DIP2C: variants seen among roughly 807,000 people sequenced by gnomAD.
DIP2C encodes the protein DIP2 acetate--CoA ligase C (putative), also known as disco-interacting protein 2 homolog C.
In DIP2C, 33 loss-of-function variants were observed where a neutral mutation model predicts 192.4. That is an observed-to-expected ratio of 0.17 (90% confidence interval 0.13 to 0.23). DIP2C has a LOEUF of 0.23. Among genes scored for constraint, DIP2C ranks in the 10% least tolerant of loss-of-function variants. The pLI, the probability that DIP2C is intolerant of heterozygous loss-of-function variation, is 1.00. For synonymous variants in DIP2C, 979 were observed against 864.1 expected, an observed-to-expected ratio of 1.13 and a Z score of -2.33; for missense variants, 1,537 against 2,110.1, an observed-to-expected ratio of 0.73 and a Z score of 5.32.
intron 1 of DIP2C, among the ~76,000 whole-genome samples, chr10:626,443 TC>T (rs148421712): frequency 8.7e-4 from 115 of 132,544 alleles, no homozygotes; most frequent in African/African-American, 3.8e-3. Flanking sequence ...TTACCCTCCG[TC>T]CCCCCGTCCC....
chr10:283,242 TGG>T (rs59023111), intron 35 of DIP2C, 28 bp downstream of exon 35: 13 of 1,575,764 alleles, frequency 8.2e-6, no homozygotes, highest in Middle Eastern at 1.8e-4. Context: ...GCCCATCTGT[TGG>T]GGGGGGGCCG....
intron 31 of DIP2C, among the ~76,000 whole-genome samples, chr10:311,157 G>C (rs544202182): frequency 1.3e-5 from 2 of 152,246 alleles, no homozygotes; most frequent in South Asian, 2.1e-4. Context: ...CCCAGTGACA[G>C]CTCTACCCCC....
At chr10:550,018 T>TC (rs1848505112) in intron 1 of DIP2C, among the ~76,000 whole-genome samples, 1 of 150,978 alleles carries the variant, frequency 6.6e-6, no homozygotes, top group Admixed American at 6.6e-5. Context: ...TTTTTTTTTT[T>TC]TTTTTTCTCT....
At chr10:551,538 A>G (rs1175988513) in intron 1 of DIP2C, among the ~76,000 whole-genome samples, 1 of 150,636 alleles carries the variant, frequency 6.6e-6, no homozygotes, top group Non-Finnish European at 1.5e-5. Flanking sequence ...GCCTCGGTGC[A>G]CAAACCCACA....
rs561161629 is a variant in DIP2C, at chr10:623,483, G to A, written c.85+66011C>T. On this transcript the variant is annotated intron_variant, in intron 1 of 36. Transcript: ENST00000280886. ...GAGGGGAGGAGGGGAGGGATGCAGG[G>A]CTGAGGGCTGAGGGGAGGAGGGGAG... is the stretch of plus-strand genomic sequence containing the variant. Among the ~76,000 whole-genome samples, 4 of 134,844 alleles carry A rather than the reference G, an allele frequency of 3.0e-5. No homozygotes were observed. The East Asian group carries it at 8.8e-4, about 30-fold the overall frequency. The allele number at this position is 134,844 out of a possible 152,430, so 88.5% of individuals were successfully genotyped here.
intron 1 of DIP2C, chr10:663,000 A>G (rs1462452262): frequency 1.4e-6 from 1 of 711,878 alleles, no homozygotes; most frequent in Admixed American, 2.0e-5. Flanking sequence ...ACGTCACACA[A>G]AAGGGTTTCT....
At chr10:522,600 C>T (rs1046755252) in intron 1 of DIP2C, among the ~76,000 whole-genome samples, 11 of 152,258 alleles carry the variant, frequency 7.2e-5, no homozygotes, top group Admixed American at 3.9e-4. Context: ...CTGCTGGGTG[C>T]GCAGTGGCGC....
chr10:469,561 C>T (rs1404037781), intron 3 of DIP2C, among the ~76,000 whole-genome samples: 1 of 152,096 alleles, frequency 6.6e-6, no homozygotes, highest in Non-Finnish European at 1.5e-5. Flanking sequence ...AAGTGATCTG[C>T]CCGCCTCGGC....
intron 3 of DIP2C, among the ~76,000 whole-genome samples, chr10:442,599 A>G (rs1017791492): frequency 2.6e-5 from 4 of 152,182 alleles, no homozygotes; most frequent in East Asian, 1.9e-4. Flanking sequence ...GAATTCCCAT[A>G]TAACTTTTAC....
chr10:503,101 G>A (rs993136558), intron 1 of DIP2C, among the ~76,000 whole-genome samples: 3 of 138,776 alleles, frequency 2.2e-5, no homozygotes, highest in Non-Finnish European at 3.1e-5. Context: ...GACTTACCAC[G>A]ATTCCAACAT....
At chr10:296,872 A>G (rs1244781997) in intron 32 of DIP2C, among the ~76,000 whole-genome samples, 1 of 117,730 alleles carries the variant, frequency 8.5e-6, no homozygotes, top group African/African-American at 3.4e-5. Flanking sequence ...GGAACATCAC[A>G]CACTGAGGCC....
intron 28 of DIP2C, 28 bp downstream of exon 28, chr10:344,781 G>T: frequency 6.4e-7 from 1 of 1,557,246 alleles, no homozygotes. Context: ...TTGCCTCCAT[G>T]GCCACCGCCC....
At chr10:647,988 T>C (rs201165547) in intron 1 of DIP2C, among the ~76,000 whole-genome samples, 2 of 150,202 alleles carry the variant, frequency 1.3e-5, no homozygotes, top group African/African-American at 2.5e-5. Context: ...CATTGGACGG[T>C]GGGAGAGAAC....
At chr10:370,541 G>C (rs561407201) in intron 17 of DIP2C, among the ~76,000 whole-genome samples, 1 of 152,292 alleles carries the variant, frequency 6.6e-6, no homozygotes, top group Non-Finnish European at 1.5e-5. Context: ...ACTCTCCCAA[G>C]AGCGGCCACA....
intron 4 of DIP2C, among the ~76,000 whole-genome samples, chr10:429,104 T>C (rs534357277): frequency 6.6e-6 from 1 of 152,254 alleles, no homozygotes; most frequent in East Asian, 1.9e-4. Flanking sequence ...TCGTACAATA[T>C]ATGGGTCTGG....
Position 440,893 on chromosome 10 carries a change from C to A in DIP2C, c.372G>T (p.Ser124=). The A allele has an allele frequency of 6.2e-7, 1 of 1,613,416 alleles. No homozygotes were observed. Among genetic ancestry groups the A allele is most frequent in the East Asian group, 2.2e-5 (1 of 44,876 alleles). ...TACCTGGAGGGGTGTAGGCGTCCAT[C>A]GAGGTCTGCACGACCAGGGACCTGC... ...SKRRSLVVQT[S]MDAYTPPDTS... The change falls in exon 4 of 37, where the codon TCG becomes TCT. Residue 124 remains serine (S), a synonymous_variant. Coordinates refer to ENST00000280886, the MANE Select transcript of DIP2C (RefSeq NM_014974.3).
chr10:556,073 ACAGCACCCACCCACCC>A, intron 1 of DIP2C, among the ~76,000 whole-genome samples: 1 of 145,216 alleles, frequency 6.9e-6, no homozygotes, highest in Non-Finnish European at 1.5e-5. Context: ...GGATCCCAGG[ACAGCACCCACCCACCC>A]CCCCTTCCAT....
chr10:478,962 A>ACC (rs1401987300), intron 2 of DIP2C, among the ~76,000 whole-genome samples: 3 of 152,098 alleles, frequency 2.0e-5, no homozygotes, highest in Non-Finnish European at 4.4e-5. Context: ...CTTCCCCAGC[A>ACC]CCCAGGGGCA....
At chr10:597,571 C>T (rs1851789331) in intron 1 of DIP2C, among the ~76,000 whole-genome samples, 1 of 152,196 alleles carries the variant, frequency 6.6e-6, no homozygotes. Context: ...AACGCTGTCA[C>T]TATGCAAAGA....
Sources: gnomAD v4.1 joint callset for allele counts (sites outside exome capture counted in the v4.1 genomes callset) on GRCh38, gnomAD v4.1.1 for gene constraint, MANE v1.5 for transcripts, NCBI Gene and HGNC (gene_info 2026-07-23, HGNC 2026-07-21) for gene names.